ATRN: variants seen among roughly 807,000 people sequenced by gnomAD.
ATRN encodes attractin.
In ATRN, 54 loss-of-function variants were observed where a neutral mutation model predicts 178.7. The observed-to-expected ratio is 0.30, with a 90% CI of 0.24 to 0.38. The LOEUF (loss-of-function observed/expected upper bound fraction) is 0.38, where lower values mean the gene tolerates loss of function less well. Ranked by LOEUF, ATRN falls within the 10% of genes least tolerant of loss-of-function variation. The pLI is 1.00. For missense variants in ATRN, 1,443 were observed against 1,815.1 expected (o/e 0.79, Z 3.73); for synonymous variants, 636 against 663.0 (o/e 0.96, Z 0.63).
At chr20:3,492,911 T>A (rs1484946221) in intron 1 of ATRN, among the ~76,000 whole-genome samples, 8 of 146,748 alleles carry the variant, frequency 5.5e-5, no homozygotes, top group Non-Finnish European at 9.0e-5. Context: ...CTAATATATA[T>A]AAATACATAT....
rs1393899578 is a variant in ATRN at position 3,639,027 on chromosome 20, C to A, written c.4050+92C>A. On this transcript the variant is annotated intron_variant, in intron 27 of 28. Transcript: ENST00000262919. ...ACCAGAGAGAGCAAAAGCCCTATTC[C>A]ATTACCTCCTTTTTTTCCTCTCTTT... The A allele has an allele frequency of 1.4e-5, 12 of 871,872 alleles. No individual in the cohort carries two copies. In the South Asian group the frequency reaches 2.2e-4, roughly 16 times the overall value. The allele number at this position is 871,872 out of a possible 1,614,324, so 54.0% of individuals were successfully genotyped here.
intron 18 of ATRN, among the ~76,000 whole-genome samples, chr20:3,589,563 T>C (rs576908684): frequency 1.3e-5 from 2 of 152,348 alleles, no homozygotes; most frequent in African/African-American, 4.8e-5. Context: ...GATTTGTTGC[T>C]GTGCGTGTTT....
chr20:3,625,952 G>T (rs548490168), intron 25 of ATRN, among the ~76,000 whole-genome samples: 2 of 152,164 alleles, frequency 1.3e-5, no homozygotes, highest in Non-Finnish European at 2.9e-5. Context: ...ATTTCTGGGG[G>T]CAGGTGCTAT....
chr20:3,601,085 A>C (rs950978765), intron 23 of ATRN, 61 bp downstream of exon 23: 1 of 1,471,066 alleles, frequency 6.8e-7, no homozygotes, highest in African/African-American at 1.4e-5. Context: ...GAAATGTAAT[A>C]TAGGAATTGA....
intron 1 of ATRN, among the ~76,000 whole-genome samples, chr20:3,478,678 G>A (rs1299204719): frequency 6.6e-6 from 1 of 152,026 alleles, no homozygotes; most frequent in Non-Finnish European, 1.5e-5. Context: ...AGAACTTAAA[G>A]TGTAATAAAA....
At position 3,560,709 on chromosome 20, in the gene ATRN, G is replaced by A. The variant is rs765796406; in HGVS notation, c.1251G>A (p.Val417=). The stretch of plus-strand genomic sequence containing the variant: ...GAAAAATTGATTCAACTGGGAATGT[G>A]ACCAATGAGTTGAGAGTTTTTCACA... ...YGGKIDSTGN[V]TNELRVFHIH... Residue 417 remains valine (V), a synonymous_variant, in exon 8 of 29, where the codon GTG becomes GTA. Transcript: ENST00000262919. The A allele has an allele frequency of 7.0e-5, 113 of 1,613,368 alleles. No individual in the cohort carries two copies. The highest frequency in any genetic ancestry group is 9.2e-5 in the Non-Finnish European group (109 of 1,179,524).
intron 24 of ATRN, among the ~76,000 whole-genome samples, chr20:3,623,978 A>G (rs1340158401): frequency 2.6e-5 from 4 of 152,214 alleles, no homozygotes; most frequent in Non-Finnish European, 4.4e-5. Flanking sequence ...TTAACTGTAT[A>G]ATAAAATTAT....
rs542247360 is a variant in ATRN at position 3,631,375 on chromosome 20, G to A, written c.3864-2936G>A. Among the ~76,000 whole-genome samples the A allele has an allele frequency of 5.3e-5, 8 of 152,270 alleles. No homozygotes were observed. In the East Asian group the frequency reaches 1.2e-3, roughly 22 times the overall value. ...AAGAACAAAAGTCGGGGGGAAATTC[G>A]ATGATTCAAATGAGAAAATCAATGT... On this transcript the variant is annotated intron_variant, in intron 25 of 28. Transcript: ENST00000262919.
chr20:3,578,638 A>G lies in ATRN; in HGVS notation c.2410A>G (p.Thr804Ala), dbSNP rs1011871573. The G allele has an allele frequency of 2.5e-6, 4 of 1,613,268 alleles. No individual in the cohort carries two copies. In the African/African-American group the frequency reaches 4.0e-5, roughly 16 times the overall value. The change falls in exon 15 of 29, where the codon ACT becomes GCT. Residue 804 changes from threonine (T) to alanine (A), a missense_variant. Thr to Ala is a moderately conservative substitution (Grantham distance 58). This residue lies in a region of ATRN where 212 missense variants were observed against 330.7 expected (regional missense o/e 0.64). Coordinates refer to ENST00000262919, the MANE Select transcript of ATRN (RefSeq NM_139321.3). ...LVGNSCLKITTAKENYDNAKL... is the reference protein window; with the variant it reads ...LVGNSCLKITAAKENYDNAKL... ...TGGAAACTCATGTTTGAAAATTACT[A>G]CTGCCAAGGAGAATTATGACAATGC...
At chr20:3,500,161 A>T (rs370079648) in intron 1 of ATRN, among the ~76,000 whole-genome samples, 1 of 152,126 alleles carries the variant, frequency 6.6e-6, no homozygotes, top group Non-Finnish European at 1.5e-5. Flanking sequence ...TTAGAATGGC[A>T]ATCATTCAAA....
At chr20:3,527,763 C>T (rs1160868327) in intron 1 of ATRN, among the ~76,000 whole-genome samples, 1 of 152,100 alleles carries the variant, frequency 6.6e-6, no homozygotes, top group Non-Finnish European at 1.5e-5. Context: ...GAGTTCATGT[C>T]CTTTGCAGGG....
chr20:3,540,168 A>G, intron 2 of ATRN, 54 bp from the exon 3 acceptor site: 1 of 1,016,956 alleles, frequency 9.8e-7, no homozygotes, highest in African/African-American at 1.6e-5. Context: ...ATATTCTCAA[A>G]TGTCTGATAG....
At chr20:3,543,604 A>C (rs1435462669) in intron 3 of ATRN, among the ~76,000 whole-genome samples, 1 of 152,040 alleles carries the variant, frequency 6.6e-6, no homozygotes, top group Non-Finnish European at 1.5e-5. Context: ...GTGCGCCTGT[A>C]ATCCTAGCTA....
At chr20:3,625,594 C>T (rs62206516) in intron 25 of ATRN, among the ~76,000 whole-genome samples, 1 of 152,142 alleles carries the variant, frequency 6.6e-6, no homozygotes, top group African/African-American at 2.4e-5. Context: ...AATAAAGTAT[C>T]ATTGTACTGT....
intron 1 of ATRN, chr20:3,490,644 T>C: frequency 1.1e-6 from 1 of 899,928 alleles, no homozygotes; most frequent in Non-Finnish European, 1.9e-6. Flanking sequence ...CCACCAAGTT[T>C]TGTGCCTCTT....
intron 1 of ATRN, among the ~76,000 whole-genome samples, chr20:3,491,779 T>TA (rs138128377): frequency 0.15 from 22,655 of 152,200 alleles, 2,136 homozygotes; most frequent in Non-Finnish European, 0.21. Flanking sequence ...CCCCAAAACT[T>TA]ATCTAAGTAT....
At chr20:3,525,215 A>G (rs1254932810) in intron 1 of ATRN, among the ~76,000 whole-genome samples, 1 of 152,176 alleles carries the variant, frequency 6.6e-6, no homozygotes, top group East Asian at 1.9e-4. Context: ...GATAAAGGGG[A>G]TATCACCACT....
Position 3,630,916 on chromosome 20 carries a change from C to CTTTTTTTTTTTTTTTTTTTTTTT in ATRN, c.3864-3369_3864-3347dup. 4.6e-5 allele frequency among the ~76,000 whole-genome samples: 2 copies of CTTTTTTTTTTTTTTTTTTTTTTT among 43,426 alleles called. 1 individual carries two copies. Among genetic ancestry groups the CTTTTTTTTTTTTTTTTTTTTTTT allele is most frequent in the Non-Finnish European group, 8.5e-5 (2 of 23,616 alleles). The allele number at this position is 43,426 out of a possible 152,430, so 28.5% of individuals were successfully genotyped here. A position where few individuals can be genotyped will look rare whatever the true frequency, so the allele number is the denominator to read the frequency against. On this transcript the variant is annotated intron_variant, in intron 25 of 28. Coordinates refer to ENST00000262919, the MANE Select transcript of ATRN (RefSeq NM_139321.3). ...ACCATGTCTAAAAGAATTTATTTAG[C>CTTTTTTTTTTTTTTTTTTTTTTT]TTTTTTTTTTTTTTTTTTTTTTTTT...
chr20:3,542,799 GTA>G (rs1237406873), intron 3 of ATRN, among the ~76,000 whole-genome samples: 7 of 137,854 alleles, frequency 5.1e-5, no homozygotes, highest in South Asian at 4.4e-4. Context: ...GCTAATTTTT[GTA>G]TTTTTTTTTT....
Sources: allele counts gnomAD v4.1 joint callset (sites outside exome capture counted in the v4.1 genomes callset), GRCh38; gene constraint gnomAD v4.1.1; regional missense constraint gnomAD v4.1.1; transcripts MANE v1.5; gene names NCBI Gene and HGNC (gene_info 2026-07-23, HGNC 2026-07-21).